The following RNF150 variants were observed in gnomAD, a reference collection of about 807,000 sequenced individuals.
RNF150 encodes ring finger protein 150.
RNF150 carries 24 observed loss-of-function variants against 39.3 expected under a neutral mutation model. The ratio of observed to expected loss-of-function variants is 0.61; its 90% CI spans 0.44 to 0.86. RNF150 has a LOEUF of 0.86. Among genes scored for constraint, RNF150 ranks in the 40% least tolerant of loss-of-function variants. The pLI is 0.00. For missense variants in RNF150, 502 were observed against 587.8 expected, an observed-to-expected ratio of 0.85 and a Z score of 1.51; for synonymous variants, 255 against 227.3, an observed-to-expected ratio of 1.12 and a Z score of -1.10.
rs1728600648 is a variant in RNF150, at chr4:140,864,003, C to G, written c.*4258G>C. On this transcript the variant is annotated 3_prime_UTR_variant, in exon 7 of 7. Coordinates refer to ENST00000515673, the MANE Select transcript of RNF150 (RefSeq NM_020724.2). ...GAGAGTATGGTAGCCTCAGGGATGT[C>G]AGGGCAGTAACTGAAATGGCCACTG... 1.3e-5 allele frequency: 2 copies of G among 152,280 alleles called. No homozygotes were observed. The highest frequency in any genetic ancestry group is 4.1e-4 in the South Asian group (2 of 4,820). The allele number at this position is 152,280 out of a possible 1,614,324, so 9.4% of individuals were successfully genotyped here. A position where few individuals can be genotyped will look rare whatever the true frequency, so the allele number is the denominator to read the frequency against.
chr4:140,970,074 T>C (rs1465612264), intron 1 of RNF150, among the ~76,000 whole-genome samples: 3 of 152,238 alleles, frequency 2.0e-5, no homozygotes, highest in African/African-American at 4.8e-5. Context: ...TTACACTTTT[T>C]AGTAGTCAGA....
intron 1 of RNF150, among the ~76,000 whole-genome samples, chr4:141,007,391 G>A (rs993926992): frequency 6.6e-6 from 1 of 152,152 alleles, no homozygotes; most frequent in Non-Finnish European, 1.5e-5. Context: ...TATAACTTTG[G>A]CCTAATTAGT....
At chr4:141,030,803 G>A (rs183922153) in intron 1 of RNF150, among the ~76,000 whole-genome samples, 373 of 152,186 alleles carry the variant, frequency 2.5e-3, no homozygotes, top group Non-Finnish European at 3.6e-3. Flanking sequence ...CCAGGGGATA[G>A]GGGAGAGGAG....
At chr4:140,968,857 AATATTT>A (rs1240152699) in intron 1 of RNF150, among the ~76,000 whole-genome samples, 2 of 151,572 alleles carry the variant, frequency 1.3e-5, no homozygotes. Flanking sequence ...AATTAATATT[AATATTT>A]ATATTAATTT....
chr4:140,884,502 G>C (rs1334808863), intron 6 of RNF150, among the ~76,000 whole-genome samples: 2 of 152,132 alleles, frequency 1.3e-5, no homozygotes, highest in Admixed American at 1.3e-4. Context: ...CTTTTCTGAG[G>C]ATGTGTGCTT....
At chr4:141,078,067 G>A (rs1297680804) in intron 1 of RNF150, among the ~76,000 whole-genome samples, 2 of 152,128 alleles carry the variant, frequency 1.3e-5, no homozygotes, top group African/African-American at 4.8e-5. Flanking sequence ...AGTCCCAAGG[G>A]AAGCAGAGCA....
intron 6 of RNF150, among the ~76,000 whole-genome samples, chr4:140,909,154 A>G (rs547376683): frequency 6.6e-6 from 1 of 152,318 alleles, no homozygotes; most frequent in South Asian, 2.1e-4. Context: ...GACCTGAGTC[A>G]GACATTTAGT....
At chr4:140,908,951 GT>G (rs763429773) in intron 6 of RNF150, among the ~76,000 whole-genome samples, 34 of 152,160 alleles carry the variant, frequency 2.2e-4, no homozygotes, top group Admixed American at 1.1e-3. Context: ...CTTTACAAAT[GT>G]TTATTTGTTT....
chr4:140,919,992 A>T (rs1024567830), intron 5 of RNF150, among the ~76,000 whole-genome samples: 1 of 152,174 alleles, frequency 6.6e-6, no homozygotes, highest in Non-Finnish European at 1.5e-5. Flanking sequence ...ATATGTAGAA[A>T]GCTGAAACTG....
chr4:140,910,418 T>C (rs1196378315), intron 6 of RNF150, among the ~76,000 whole-genome samples: 1 of 152,220 alleles, frequency 6.6e-6, no homozygotes, highest in Non-Finnish European at 1.5e-5. Context: ...GTAGGTACTT[T>C]AGATTTTTAC....
In RNF150 at chr4:141,172,951, G is replaced by A. The variant is rs529071205; in HGVS notation, c.-6+39843C>T. Among the ~76,000 whole-genome samples the A allele has an allele frequency of 3.9e-5, 6 of 152,178 alleles. No individual in the cohort carries two copies. In the East Asian group the frequency reaches 5.8e-4, roughly 15 times the overall value. On this transcript the variant is annotated intron_variant, in intron 1 of 7. Transcript: ENST00000420921. ...TGAGGCAGGAGAATCGCTTGAACCC[G>A]GGAGGCCGAGGGTGCAGTGAGCCAA...
At chr4:140,961,442 T>C (rs1202341494) in intron 2 of RNF150, among the ~76,000 whole-genome samples, 1 of 152,130 alleles carries the variant, frequency 6.6e-6, no homozygotes, top group East Asian at 1.9e-4. Flanking sequence ...CAATGTAAAA[T>C]AAATGGCTTT....
chr4:141,105,156 A>C (rs2321861), intron 1 of RNF150, among the ~76,000 whole-genome samples: 150,267 of 152,308 alleles, frequency 0.99, 74,167 homozygotes, highest in Middle Eastern at 1. Context: ...TTAACAATGA[A>C]AGTACCAAAT....
rs145904105 is a variant in RNF150 at position 140,917,525 on chromosome 4, C to A, written c.988-6171G>T. 4.0e-3 allele frequency among the ~76,000 whole-genome samples: 605 copies of A among 152,262 alleles called. 2 individuals carry two copies. The highest frequency in any genetic ancestry group is 0.014 in the African/African-American group (582 of 41,558). The stretch of plus-strand genomic sequence containing the variant: ...TATATATGAACCCAATACAGGAGCA[C>A]CCAGATTCATAAAGCAAGTCCTTAG... On this transcript the variant is annotated intron_variant, in intron 5 of 6. Coordinates refer to ENST00000515673, the MANE Select transcript of RNF150 (RefSeq NM_020724.2).
At chr4:141,093,430 G>T (rs1738668938) in intron 1 of RNF150, among the ~76,000 whole-genome samples, 1 of 151,326 alleles carries the variant, frequency 6.6e-6, no homozygotes, top group African/African-American at 2.4e-5. Flanking sequence ...GGGCTGCTCT[G>T]AAATAGAAAA....
intron 6 of RNF150, among the ~76,000 whole-genome samples, chr4:140,896,308 C>A: frequency 1.0e-4 from 1 of 9,812 alleles, no homozygotes; most frequent in East Asian, 1.7e-3. Flanking sequence ...CAATGATAGA[C>A]TGGATTAAGA....
At chr4:140,910,066 TTTTAGTCTGTTCTTTC>T (rs879423316) in intron 6 of RNF150, among the ~76,000 whole-genome samples, 1 of 152,206 alleles carries the variant, frequency 6.6e-6, no homozygotes, top group African/African-American at 2.4e-5. Context: ...TTCATTCTTT[TTTTAGTCTGTTCTTTC>T]TTTATCTCTC....
chr4:140,903,357 A>C (rs1730257152), intron 6 of RNF150, among the ~76,000 whole-genome samples: 1 of 152,186 alleles, frequency 6.6e-6, no homozygotes, highest in South Asian at 2.1e-4. Context: ...GAATTTCCAA[A>C]GCCAGTTCTT....
intron 6 of RNF150, among the ~76,000 whole-genome samples, chr4:140,869,757 A>C (rs187703421): frequency 1.3e-5 from 2 of 152,354 alleles, no homozygotes; most frequent in Non-Finnish European, 2.9e-5. Context: ...TTTAAGCAAC[A>C]GCATGTACAG....
Sources: allele counts gnomAD v4.1 joint callset (sites outside exome capture counted in the v4.1 genomes callset), GRCh38; gene constraint gnomAD v4.1.1; transcripts MANE v1.5; gene names NCBI Gene and HGNC (gene_info 2026-07-23, HGNC 2026-07-21).